AP3B1: variants seen among roughly 807,000 people sequenced by gnomAD.
AP3B1 encodes AP-3 complex subunit beta-1.
Under a neutral mutation model 132.5 loss-of-function variants are expected in AP3B1, and 61 were observed. That is an observed-to-expected ratio of 0.46 (90% CI 0.37 to 0.57). The LOEUF (loss-of-function observed/expected upper bound fraction) is 0.57, where lower values mean the gene tolerates loss of function less well. Ranked by LOEUF, AP3B1 falls within the 20% of genes least tolerant of loss-of-function variation. The pLI is 0.00. For synonymous variants in AP3B1, 388 were observed against 438.3 expected, an observed-to-expected ratio of 0.89 and a Z score of 1.43; for missense variants, 1,120 against 1,289.4, an observed-to-expected ratio of 0.87 and a Z score of 2.01.
intron 19 of AP3B1, among the ~76,000 whole-genome samples, chr5:78,111,990 A>G (rs1217242586): frequency 1.3e-5 from 2 of 152,190 alleles, no homozygotes; most frequent in Admixed American, 1.3e-4. Flanking sequence ...ATGTCATACT[A>G]TCTCCCTTCA....
rs1748384985 is a variant in AP3B1, at chr5:78,267,706, A to G, written c.129-111T>C. ...GTAATATCATGGGCAATGTTAAATA[A>G]CTGCAGCAAGAAGGTGGCCATCTGC... On this transcript the variant is annotated intron_variant, in intron 1 of 26. Coordinates refer to ENST00000255194, the MANE Select transcript of AP3B1 (RefSeq NM_003664.5). 4.5e-6 allele frequency: 3 copies of G among 664,062 alleles called. No homozygotes were observed. The South Asian group carries it at 6.1e-5, about 13-fold the overall frequency. 41.1% of individuals were successfully genotyped at this position (664,062 alleles called of 1,614,324 possible).
chr5:78,174,517 G>GGCTGCAGCACAGCAAAT (rs1048599800), intron 11 of AP3B1, among the ~76,000 whole-genome samples: 1 of 151,172 alleles, frequency 6.6e-6, no homozygotes, highest in East Asian at 1.9e-4. Context: ...CACCAGCGGA[G>GGCTGCAGCACAGCAAAT]GCTGCAGCAC....
chr5:78,031,046 A>G (rs1432497842), intron 24 of AP3B1, among the ~76,000 whole-genome samples: 1 of 152,128 alleles, frequency 6.6e-6, no homozygotes, highest in Non-Finnish European at 1.5e-5. Context: ...CTTTCCTGCC[A>G]GAGCTCCTAT....
chr5:78,022,844 A>G (rs374515748), intron 24 of AP3B1, among the ~76,000 whole-genome samples: 3 of 152,308 alleles, frequency 2.0e-5, no homozygotes. Flanking sequence ...TTTTACTTAA[A>G]TAAAGCCTAA....
chr5:78,264,729 A>G (rs1171522744), intron 2 of AP3B1, among the ~76,000 whole-genome samples: 1 of 152,268 alleles, frequency 6.6e-6, no homozygotes, highest in East Asian at 1.9e-4. Context: ...CAAGGGATAA[A>G]CAGTCCGTCT....
intron 26 of AP3B1, among the ~76,000 whole-genome samples, chr5:78,008,855 T>C (rs913674864): frequency 6.6e-6 from 1 of 152,168 alleles, no homozygotes; most frequent in African/African-American, 2.4e-5. Flanking sequence ...AAATCCCATA[T>C]AGTTACCAAC....
chr5:78,240,847 A>G lies in AP3B1; in HGVS notation c.279+15T>C. 1 of 1,569,380 alleles carries G rather than the reference A, an allele frequency of 6.4e-7. No individual in the cohort carries two copies. Among genetic ancestry groups the G allele is most frequent in the Non-Finnish European group, 8.8e-7 (1 of 1,139,476 alleles). On this transcript the variant is annotated intron_variant, in intron 3 of 26. Coordinates refer to ENST00000255194, the MANE Select transcript of AP3B1 (RefSeq NM_003664.5). ...AAACAAAAGGAATCATAAAAATTATAGATCAAAACAGTACCTCAATATTTT... is the reference window on the plus strand; with the variant it reads ...AAACAAAAGGAATCATAAAAATTATGGATCAAAACAGTACCTCAATATTTT...
intron 15 of AP3B1, among the ~76,000 whole-genome samples, chr5:78,132,794 C>A (rs964170692): frequency 1.3e-5 from 2 of 151,918 alleles, no homozygotes; most frequent in African/African-American, 2.4e-5. Context: ...TGGTAAATGT[C>A]GACAAATATT....
intron 7 of AP3B1, among the ~76,000 whole-genome samples, chr5:78,190,748 A>C (rs900162993): frequency 5.9e-5 from 9 of 152,250 alleles, no homozygotes; most frequent in Non-Finnish European, 1.3e-4. Flanking sequence ...ACAAGCACTT[A>C]GTGCCTGATA....
rs141139579 is a variant in AP3B1, at chr5:78,194,161, G to A, written c.787-12499C>T. ...AGTAGAAAAACCCCTTATGTAGCTA[G>A]CATGGCTGTTATGAAGCCTTTAAAT... On this transcript the variant is annotated intron_variant, in intron 7 of 26. Transcript: ENST00000255194. Among the ~76,000 whole-genome samples the A allele has an allele frequency of 3.0e-3, 462 of 152,134 alleles. 4 individuals carry two copies. The highest frequency in any genetic ancestry group is 0.011 in the African/African-American group (441 of 41,492).
Position 78,033,931 on chromosome 5 carries a change from T to C in AP3B1, c.2894+430A>G, listed in dbSNP as rs866713290. Among the ~76,000 whole-genome samples, 7 of 152,074 alleles carry C rather than the reference T, an allele frequency of 4.6e-5. No individual in the cohort carries two copies. The East Asian group carries it at 1.2e-3, about 25-fold the overall frequency. On this transcript the variant is annotated intron_variant, in intron 24 of 26. Coordinates refer to ENST00000255194, the MANE Select transcript of AP3B1 (RefSeq NM_003664.5). ...TTTTAGGTACTGATGGCATCAATAA[T>C]ATTCCACTTAAGAATCTCAAGATAA...
chr5:78,206,983 C>T (rs551276889), intron 7 of AP3B1, among the ~76,000 whole-genome samples: 27 of 152,142 alleles, frequency 1.8e-4, no homozygotes, highest in African/African-American at 6.3e-4. Flanking sequence ...TTAGGCCAGG[C>T]ACGGTGGCTC....
intron 13 of AP3B1, among the ~76,000 whole-genome samples, chr5:78,161,373 T>C (rs1033057335): frequency 6.6e-6 from 1 of 152,056 alleles, no homozygotes; most frequent in African/African-American, 2.4e-5. Flanking sequence ...GCTTTCTGTA[T>C]GTAACTAAAA....
intron 25 of AP3B1, among the ~76,000 whole-genome samples, chr5:78,020,024 A>AT (rs1437399281): frequency 6.6e-6 from 1 of 152,044 alleles, no homozygotes; most frequent in Non-Finnish European, 1.5e-5. Flanking sequence ...ATCTCCCCTT[A>AT]TTCACATACG....
intron 23 of AP3B1, among the ~76,000 whole-genome samples, chr5:78,037,435 T>C (rs1392299459): frequency 6.6e-6 from 1 of 152,212 alleles, no homozygotes; most frequent in Non-Finnish European, 1.5e-5. Flanking sequence ...GTGTCTTAAT[T>C]ATCAAAATAT....
At position 78,227,590 on chromosome 5, in the gene AP3B1, T is replaced by C; in HGVS notation, c.376-58A>G. ...TCAACTTTACAATATTTTAAACATA[T>C]CTTTCAGACACAGTTAATAGGTGCT... is the stretch of plus-strand genomic sequence containing the variant. On this transcript the variant is annotated intron_variant, in intron 4 of 26. Coordinates refer to ENST00000255194, the MANE Select transcript of AP3B1 (RefSeq NM_003664.5). The C allele has an allele frequency of 3.2e-6, 5 of 1,556,198 alleles. No homozygotes were observed. The South Asian group carries it at 3.4e-5, about 10-fold the overall frequency.
intron 17 of AP3B1, among the ~76,000 whole-genome samples, chr5:78,124,948 A>T (rs1287876352): frequency 6.6e-6 from 1 of 152,160 alleles, no homozygotes; most frequent in Non-Finnish European, 1.5e-5. Context: ...TTCAGGTTTT[A>T]AAAGGCCAAA....
intron 24 of AP3B1, among the ~76,000 whole-genome samples, chr5:78,028,137 A>C (rs1747414961): frequency 1.3e-5 from 2 of 152,122 alleles, no homozygotes; most frequent in African/African-American, 4.8e-5. Context: ...AACAACAAAA[A>C]AAAAGAAAAT....
intron 26 of AP3B1, among the ~76,000 whole-genome samples, chr5:78,010,823 G>C (rs992297500): frequency 2.6e-5 from 4 of 151,930 alleles, no homozygotes; most frequent in African/African-American, 7.3e-5. Flanking sequence ...TAGTTTACTA[G>C]TATTGTCTTA....
Sources: gnomAD v4.1 joint callset for allele counts (sites outside exome capture counted in the v4.1 genomes callset) on GRCh38, gnomAD v4.1.1 for gene constraint, MANE v1.5 for transcripts, NCBI Gene and HGNC (gene_info 2026-07-23, HGNC 2026-07-21) for gene names.